PPM1L: variants seen among roughly 807,000 people sequenced by gnomAD.
The protein encoded by PPM1L is protein phosphatase 1L.
A neutral mutation model predicts 31.4 loss-of-function variants in PPM1L; 13 were observed. That is an observed-to-expected ratio of 0.41 (90% CI 0.27 to 0.66). The LOEUF (loss-of-function observed/expected upper bound fraction) is 0.66, where lower values mean the gene tolerates loss of function less well. Ranked by LOEUF, PPM1L falls within the 30% of genes least tolerant of loss-of-function variation. The pLI is 0.29. For missense variants in PPM1L, 326 were observed against 453.7 expected, an observed-to-expected ratio of 0.72 and a Z score of 2.56; for synonymous variants, 184 against 175.4, an observed-to-expected ratio of 1.05 and a Z score of -0.39.
chr3:160,989,568 G>A (rs2108042195), intron 2 of PPM1L, among the ~76,000 whole-genome samples: 1 of 152,010 alleles, frequency 6.6e-6, no homozygotes. Context: ...ACCATGCCCG[G>A]CCAGGCTGGT....
intron 1 of PPM1L, among the ~76,000 whole-genome samples, chr3:160,775,781 G>A (rs1026872627): frequency 2.0e-5 from 3 of 152,188 alleles, no homozygotes; most frequent in Admixed American, 6.5e-5. Context: ...GCAAGAACAC[G>A]TCCTCAAAAG....
chr3:161,065,561 G>T lies in PPM1L; in HGVS notation c.733G>T (p.Ala245Ser). ...QLKERKRIKR[A>S]GGFISFNGSW... ...GAAGGAAAGAAAGAGGATAAAGAGA[G>T]CAGGTGAGCTTGTGAACACCTCCAA... The change falls in exon 3 of 4, where the codon GCA (alanine) becomes TCA (serine). Residue 245 changes from alanine (A) to serine (S), a missense_variant. Physicochemically the swap from Ala to Ser is moderately conservative, Grantham distance 99 (BLOSUM62 1). Transcript: ENST00000498165. The T allele has an allele frequency of 6.2e-7, 1 of 1,613,220 alleles. No individual in the cohort carries two copies. Among genetic ancestry groups the T allele is most frequent in the Non-Finnish European group, 8.5e-7 (1 of 1,179,378 alleles).
intron 1 of PPM1L, among the ~76,000 whole-genome samples, chr3:160,871,579 C>G (rs1046917585): frequency 6.6e-6 from 1 of 152,204 alleles, no homozygotes; most frequent in African/African-American, 2.4e-5. Flanking sequence ...ATTCTACCAT[C>G]TTCGTCTGAT....
In PPM1L at chr3:160,898,058, GA is replaced by G. The variant is rs896396102; in HGVS notation, c.400-63669del. Among the ~76,000 whole-genome samples the G allele has an allele frequency of 4.6e-5, 7 of 150,734 alleles. No homozygotes were observed. In the South Asian group the frequency reaches 6.3e-4, roughly 14 times the overall value. On this transcript the variant is annotated intron_variant, in intron 1 of 3. Transcript: ENST00000498165. ...ATTTTTAACTTTGACTTTTAAGGAAGAAAAAAAAATCACCTTTCTTTATTTA... is the reference window on the plus strand; with the variant it reads ...ATTTTTAACTTTGACTTTTAAGGAAGAAAAAAAATCACCTTTCTTTATTTA...
chr3:160,973,764 G>GTTTTTTTTTTTTTTTTTTTTTTTT (rs75599237), intron 2 of PPM1L, among the ~76,000 whole-genome samples: 4 of 88,448 alleles, frequency 4.5e-5, no homozygotes, highest in South Asian at 3.6e-4. Flanking sequence ...GAAAGGCCCT[G>GTTTTTTTTTTTTTTTTTTTTTTTT]TTTTTTTTTT....
chr3:160,780,247 C>T (rs1295563454), intron 1 of PPM1L, among the ~76,000 whole-genome samples: 1 of 152,084 alleles, frequency 6.6e-6, no homozygotes, highest in South Asian at 2.1e-4. Flanking sequence ...CAGCATCTAG[C>T]AAATAGAAAG....
At chr3:160,981,982 T>C (rs903297127) in intron 2 of PPM1L, among the ~76,000 whole-genome samples, 20 of 152,070 alleles carry the variant, frequency 1.3e-4, no homozygotes, top group Non-Finnish European at 2.6e-4. Context: ...GCCAGGGTGG[T>C]CTCAAACTCC....
chr3:160,864,222 AC>A (rs2108024238), intron 1 of PPM1L, among the ~76,000 whole-genome samples: 1 of 152,106 alleles, frequency 6.6e-6, no homozygotes, highest in East Asian at 1.9e-4. Context: ...TCACTCTGTC[AC>A]CCAGGTTGGA....
intron 2 of PPM1L, among the ~76,000 whole-genome samples, chr3:160,997,925 T>TATGAAGCAGGATCCAAGTACCAC (rs1355854711): frequency 6.6e-6 from 1 of 152,094 alleles, no homozygotes; most frequent in Non-Finnish European, 1.5e-5. Context: ...CCAAGAACCA[T>TATGAAGCAGGATCCAAGTACCAC]ATGAAGCAGG....
intron 1 of PPM1L, among the ~76,000 whole-genome samples, chr3:160,931,991 T>TG (rs1232605625): frequency 8.0e-6 from 1 of 124,854 alleles, no homozygotes; most frequent in Non-Finnish European, 2.0e-5. Flanking sequence ...GTCATTCTTT[T>TG]GTTTTTTTGC....
At chr3:160,940,129 G>A (rs986201385) in intron 1 of PPM1L, among the ~76,000 whole-genome samples, 1 of 152,084 alleles carries the variant, frequency 6.6e-6, no homozygotes, top group African/African-American at 2.4e-5. Context: ...ACTTTGAACT[G>A]GAGAAAGATG....
chr3:161,040,911 G>A (rs2108088965), intron 2 of PPM1L, among the ~76,000 whole-genome samples: 1 of 152,258 alleles, frequency 6.6e-6, no homozygotes, highest in Non-Finnish European at 1.5e-5. Context: ...GCCCTGCAAA[G>A]CTGTCCTTTG....
rs377000049 is a variant in PPM1L, at chr3:160,981,515, A to G, written c.574+19605A>G. Among the ~76,000 whole-genome samples the G allele has an allele frequency of 3.3e-5, 5 of 152,294 alleles. No individual in the cohort carries two copies. In the East Asian group the frequency reaches 9.7e-4, roughly 29 times the overall value. The stretch of plus-strand genomic sequence containing the variant: ...TTATAATGTGAATGTCGAAAGTGGT[A>G]TACCACAGTTTCTGACAGAAGCTGG... On this transcript the variant is annotated intron_variant, in intron 2 of 3. Transcript: ENST00000498165.
rs1184792390 is a variant in PPM1L, at chr3:161,038,584, TTAA to T, written c.575-26818_575-26816del. Among the ~76,000 whole-genome samples the T allele has an allele frequency of 5.2e-4, 52 of 100,812 alleles. 1 individual carries two copies. In the South Asian group the frequency reaches 0.013, roughly 24 times the overall value. The allele number at this position is 100,812 out of a possible 152,430, so 66.1% of individuals were successfully genotyped here. On this transcript the variant is annotated intron_variant, in intron 2 of 3. Transcript: ENST00000498165. ...GCCTCCCAAAATGCTGGGATTTGTT[TTAA>T]AAAAAAAAAAAAAAAAAAAAAAAAA... is the stretch of plus-strand genomic sequence containing the variant.
intron 2 of PPM1L, among the ~76,000 whole-genome samples, chr3:160,973,480 T>C (rs1716423531): frequency 6.6e-6 from 1 of 152,220 alleles, no homozygotes; most frequent in Non-Finnish European, 1.5e-5. Flanking sequence ...AGAATGTTTG[T>C]AATAAATTTT....
chr3:160,798,604 A>G (rs1712331003), intron 1 of PPM1L, among the ~76,000 whole-genome samples: 2 of 152,224 alleles, frequency 1.3e-5, no homozygotes, highest in South Asian at 4.2e-4. Flanking sequence ...TTGCTCAGAA[A>G]AAAAGATTTC....
intron 1 of PPM1L, among the ~76,000 whole-genome samples, chr3:160,890,555 A>G (rs1713102688): frequency 6.6e-6 from 1 of 152,236 alleles, no homozygotes; most frequent in African/African-American, 2.4e-5. Context: ...ATAGTGCCCA[A>G]AGTAATTCAT....
chr3:160,964,835 T>C (rs185454502), intron 2 of PPM1L, among the ~76,000 whole-genome samples: 6 of 152,116 alleles, frequency 3.9e-5, no homozygotes, highest in African/African-American at 1.4e-4. Context: ...AAACCAAAAG[T>C]TACTACCTCC....
At chr3:160,940,572 G>A (rs1019693718) in intron 1 of PPM1L, among the ~76,000 whole-genome samples, 7 of 152,202 alleles carry the variant, frequency 4.6e-5, no homozygotes, top group Admixed American at 6.5e-5. Context: ...CTGTGGCTTC[G>A]GAGGGTGGAA....
Sources: gnomAD v4.1 joint callset for allele counts (sites outside exome capture counted in the v4.1 genomes callset) on GRCh38, gnomAD v4.1.1 for gene constraint, MANE v1.5 for transcripts, NCBI Gene and HGNC (gene_info 2026-07-23, HGNC 2026-07-21) for gene names.